The following SDK1 variants were observed in gnomAD, a reference collection of about 807,000 sequenced individuals.
SDK1 encodes the protein protein sidekick-1.
Under a neutral mutation model 245.5 loss-of-function variants are expected in SDK1, and 157 were observed. The observed-to-expected ratio is 0.64, with a 90% CI of 0.56 to 0.73. The LOEUF is 0.73. Among genes scored for constraint, SDK1 ranks in the 30% least tolerant of loss-of-function variants. The pLI, the probability that SDK1 is intolerant of heterozygous loss-of-function variation, is 0.00. For synonymous variants in SDK1, 1,647 were observed against 1,278.5 expected, an observed-to-expected ratio of 1.29 and a Z score of -6.15; for missense variants, 3,583 against 3,002.3, an observed-to-expected ratio of 1.19 and a Z score of -4.52.
At position 3,385,313 on chromosome 7, in the gene SDK1, A is replaced by G. The variant is rs369018606; in HGVS notation, c.298+83429A>G. On this transcript the variant is annotated intron_variant, in intron 1 of 44. Transcript: ENST00000404826. ...TACGCTGTGAATGTATTATCCTGAT[A>G]CAGGTGAAAGCTTTATTAAAAAACA... Among the ~76,000 whole-genome samples, 9 of 152,336 alleles carry G rather than the reference A, an allele frequency of 5.9e-5. 1 individual carries two copies. The East Asian group carries it at 1.3e-3, about 23-fold the overall frequency.
At chr7:4,074,074 A>G (rs1780458018) in intron 20 of SDK1, among the ~76,000 whole-genome samples, 1 of 152,156 alleles carries the variant, frequency 6.6e-6, no homozygotes, top group Admixed American at 6.5e-5. Flanking sequence ...GCAGCCCACA[A>G]TGCACTGCAA....
intron 17 of SDK1, 56 bp from the exon 18 acceptor site, chr7:4,049,292 C>T: frequency 1.5e-6 from 2 of 1,361,608 alleles, no homozygotes; most frequent in South Asian, 1.2e-5. Context: ...TGTCTCTCCA[C>T]CCCATGGTCC....
chr7:3,795,029 A>G (rs41881), intron 4 of SDK1, among the ~76,000 whole-genome samples: 1 of 152,100 alleles, frequency 6.6e-6, no homozygotes, highest in Non-Finnish European at 1.5e-5. Context: ...TTGCAGATGT[A>G]GCTCCCTTTA....
At chr7:3,745,240 A>G (rs948841268) in intron 4 of SDK1, among the ~76,000 whole-genome samples, 12 of 152,332 alleles carry the variant, frequency 7.9e-5, no homozygotes, top group African/African-American at 2.6e-4. Flanking sequence ...AGGTATGTAA[A>G]TAATATTTAT....
chr7:4,077,499 CA>C (rs1467340133), intron 21 of SDK1, among the ~76,000 whole-genome samples: 3 of 152,142 alleles, frequency 2.0e-5, no homozygotes, highest in Non-Finnish European at 4.4e-5. Flanking sequence ...TGAATACTTT[CA>C]AAACAGTAGC....
At chr7:3,902,091 T>C (rs1206593641) in intron 5 of SDK1, among the ~76,000 whole-genome samples, 1 of 152,202 alleles carries the variant, frequency 6.6e-6, no homozygotes, top group Non-Finnish European at 1.5e-5. Flanking sequence ...TTTGGTGCCT[T>C]TGAGTGCAAT....
intron 1 of SDK1, among the ~76,000 whole-genome samples, chr7:3,352,902 T>C (rs1237729214): frequency 2.0e-5 from 3 of 152,020 alleles, no homozygotes; most frequent in African/African-American, 7.3e-5. Context: ...AGGCACCAGG[T>C]TGAAGAAATA....
At chr7:3,797,409 T>C (rs1053546349) in intron 4 of SDK1, among the ~76,000 whole-genome samples, 3 of 152,114 alleles carry the variant, frequency 2.0e-5, no homozygotes, top group Middle Eastern at 6.8e-3. Flanking sequence ...TTTTTCTGTA[T>C]AGTCATTTAG....
At chr7:3,702,433 C>G (rs1418082397) in intron 4 of SDK1, among the ~76,000 whole-genome samples, 2 of 152,172 alleles carry the variant, frequency 1.3e-5, no homozygotes, top group African/African-American at 4.8e-5. Flanking sequence ...TTCGTGGCTC[C>G]TGCAGAGGTT....
rs778883941 is a variant in SDK1, at chr7:4,241,841, G to T, written c.6179G>T (p.Gly2060Val). Residue 2060 changes from glycine (G) to valine (V), a missense_variant, in exon 43 of 45, where the codon GGA (glycine) becomes GTA (valine). By Grantham distance (109) the Gly-to-Val change is moderately radical. Transcript: ENST00000404826. ...GAGTCTGTGACCCTGGACAACGGAGGATTTGCTGCCCTGGAGCTCAGCAGC... is the reference window on the plus strand; with the variant it reads ...GAGTCTGTGACCCTGGACAACGGAGTATTTGCTGCCCTGGAGCTCAGCAGC... ...MEESVTLDNGGFAALELSSRH... is the reference protein window; with the variant it reads ...MEESVTLDNGVFAALELSSRH... 2 of 1,614,028 alleles carry T rather than the reference G, an allele frequency of 1.2e-6. No homozygotes were observed. Among genetic ancestry groups the T allele is most frequent in the African/African-American group, 2.7e-5 (2 of 74,918 alleles).
intron 16 of SDK1, among the ~76,000 whole-genome samples, chr7:4,013,491 G>C (rs1297228518): frequency 6.6e-6 from 1 of 152,174 alleles, no homozygotes; most frequent in Non-Finnish European, 1.5e-5. Flanking sequence ...GGCTAACAAA[G>C]GTCTTCAGCA....
intron 44 of SDK1, among the ~76,000 whole-genome samples, chr7:4,247,501 T>C (rs1248965851): frequency 1.3e-5 from 2 of 152,238 alleles, no homozygotes; most frequent in Non-Finnish European, 2.9e-5. Flanking sequence ...GCTCGCTGCA[T>C]GTACGAAAGC....
chr7:3,597,350 C>G (rs11765058), intron 1 of SDK1, among the ~76,000 whole-genome samples: 122 of 150,338 alleles, frequency 8.1e-4, no homozygotes, highest in Non-Finnish European at 1.6e-3. Flanking sequence ...ACTGAGAAAA[C>G]TTCTCCCCTT....
intron 5 of SDK1, among the ~76,000 whole-genome samples, chr7:3,877,388 G>A (rs1238821869): frequency 1.3e-5 from 2 of 152,180 alleles, no homozygotes; most frequent in Admixed American, 1.3e-4. Flanking sequence ...TAGCTGCTAT[G>A]ACATTGTTAA....
At chr7:3,969,130 A>T in intron 10 of SDK1, 127 bp from the exon 11 acceptor site, 1 of 824,630 alleles carries the variant, frequency 1.2e-6, no homozygotes, top group Non-Finnish European at 1.8e-6. Flanking sequence ...GGGGATTGCA[A>T]TTCGAGACGA....
chr7:3,974,949 C>T lies in SDK1; in HGVS notation c.1994+404C>T, dbSNP rs59190573. On this transcript the variant is annotated intron_variant, in intron 13 of 44. Transcript: ENST00000404826. ...GGGACTGCTGAGGCGAGGTCGTTCC[C>T]GTGAAAGCCACCTAGACTTGGGGTT... Among the ~76,000 whole-genome samples, 812 of 152,244 alleles carry T rather than the reference C, an allele frequency of 5.3e-3. 6 individuals carry two copies. The highest frequency in any genetic ancestry group is 0.018 in the African/African-American group (748 of 41,522).
At chr7:4,247,326 G>A (rs1786944112) in intron 44 of SDK1, among the ~76,000 whole-genome samples, 1 of 152,224 alleles carries the variant, frequency 6.6e-6, no homozygotes, top group Non-Finnish European at 1.5e-5. Flanking sequence ...TCTGTTTACA[G>A]AGGATGCCGG....
chr7:4,098,498 A>T lies in SDK1; in HGVS notation c.3325-12165A>T, dbSNP rs1034863201. Among the ~76,000 whole-genome samples, 7 of 151,968 alleles carry T rather than the reference A, an allele frequency of 4.6e-5. No individual in the cohort carries two copies. The East Asian group carries it at 1.4e-3, about 29-fold the overall frequency. On this transcript the variant is annotated intron_variant, in intron 22 of 44. Transcript: ENST00000404826. ...ATTTCTTTCCTTCATTCGCCCATTC[A>T]CCCAGCAGACACTTATTAAGCACCT... is the stretch of plus-strand genomic sequence containing the variant.
chr7:4,233,593 A>AG (rs1252391851), intron 41 of SDK1, among the ~76,000 whole-genome samples, 174 bp downstream of exon 41: 1 of 152,020 alleles, frequency 6.6e-6, no homozygotes, highest in Non-Finnish European at 1.5e-5. Context: ...AATGGGGTCG[A>AG]GGGGGACCCT....
Sources: allele counts gnomAD v4.1 joint callset (sites outside exome capture counted in the v4.1 genomes callset), GRCh38; gene constraint gnomAD v4.1.1; transcripts MANE v1.5; gene names NCBI Gene and HGNC (gene_info 2026-07-23, HGNC 2026-07-21).